ABCB1: variants seen among roughly 807,000 people sequenced by gnomAD.
ABCB1 encodes the protein ATP-dependent translocase ABCB1.
A neutral mutation model predicts 142.0 loss-of-function variants in ABCB1; 69 were observed. The observed-to-expected ratio is 0.49, with a 90% CI of 0.40 to 0.59. The LOEUF (loss-of-function observed/expected upper bound fraction) is 0.59. ABCB1 is among the 20% of genes least tolerant of loss of function. The pLI is 0.00. For missense variants in ABCB1, 1,326 were observed against 1,554.7 expected (o/e 0.85, Z 2.47); for synonymous variants, 532 against 539.2 (o/e 0.99, Z 0.18).
chr7:87,531,506 C>G lies in ABCB1; in HGVS notation c.2482-9G>C. ...AGCCTGGAACCTATAGCCTGCAAAA[C>G]AAAACAAATTAGAGAAATTTTAAAA... On this transcript the variant is annotated splice_polypyrimidine_tract_variant and intron_variant, in intron 20 of 27. Transcript: ENST00000622132. 6.2e-7 allele frequency: 1 copy of G among 1,611,826 alleles called. No homozygotes were observed. Among genetic ancestry groups the G allele is most frequent in the Non-Finnish European group, 8.5e-7 (1 of 1,179,236 alleles).
At chr7:87,700,349 ATTG>A in intron 1 of ABCB1, 1 of 1,280,050 alleles carries the variant, frequency 7.8e-7, no homozygotes, top group Non-Finnish European at 1.1e-6. Context: ...TCAGAATTTT[ATTG>A]TTCTTGCATT....
Position 87,561,258 on chromosome 7 carries a change from C to G in ABCB1, c.827+5G>C. The G allele has an allele frequency of 6.2e-7, 1 of 1,613,624 alleles. No homozygotes were observed. The highest frequency in any genetic ancestry group is 8.5e-7 in the Non-Finnish European group (1 of 1,179,770). On this transcript the variant is annotated splice_donor_5th_base_variant and intron_variant, in intron 8 of 27. Transcript: ENST00000622132. Reference sequence around the variant, plus strand: ...TATCTATCCATTTAAAAAAGAAACTCAAACCTTTCAAGTTCTTTCTTTTGT... The same window carrying G: ...TATCTATCCATTTAAAAAAGAAACTGAAACCTTTCAAGTTCTTTCTTTTGT...
intron 4 of ABCB1, among the ~76,000 whole-genome samples, chr7:87,578,413 C>T (rs544250977): frequency 6.6e-6 from 1 of 152,112 alleles, no homozygotes; most frequent in African/African-American, 2.4e-5. Context: ...TTCGTGGTTC[C>T]ATGTAAATGT....
chr7:87,693,806 T>C (rs2130658016), intron 1 of ABCB1: 1 of 1,080,962 alleles, frequency 9.3e-7, no homozygotes, highest in African/African-American at 1.6e-5. Flanking sequence ...GCTTCAAAAT[T>C]ATATGTAGCC....
intron 27 of ABCB1, among the ~76,000 whole-genome samples, chr7:87,504,666 TTGG>T (rs1814648412): frequency 6.6e-6 from 1 of 151,782 alleles, no homozygotes; most frequent in Admixed American, 6.6e-5. Context: ...TTAGCTGGGC[TTGG>T]TGGTGGGTGC....
At chr7:87,544,348 A>C (rs1275642211) in intron 16 of ABCB1, 73 bp from the exon 17 acceptor site, 1 of 1,459,426 alleles carries the variant, frequency 6.9e-7, no homozygotes. Context: ...ACGCACAAAA[A>C]TTAGTAAAGG....
At chr7:87,622,914 T>C (rs1431313783) in intron 1 of ABCB1, among the ~76,000 whole-genome samples, 1 of 152,134 alleles carries the variant, frequency 6.6e-6, no homozygotes, top group Non-Finnish European at 1.5e-5. Context: ...TGGTGGTGCA[T>C]GCCTGTAGTC....
At position 87,639,082 on chromosome 7, in the gene ABCB1, G is replaced by A. The variant is rs887378244; in HGVS notation, c.-330-38004C>T. 3.8e-4 allele frequency among the ~76,000 whole-genome samples: 58 copies of A among 150,774 alleles called. 1 individual carries two copies. The highest frequency in any genetic ancestry group is 4.4e-5 in the Non-Finnish European group (3 of 67,862). On this transcript the variant is annotated intron_variant, in intron 1 of 28. Transcript: ENST00000265724. ...CAGGAGAATGGTGTAAACCCCGGAG[G>A]CGGAGCTTGCAGTGAGAAGAGACGG... is the stretch of plus-strand genomic sequence containing the variant.
chr7:87,683,253 A>G (rs1271960262), intron 1 of ABCB1, among the ~76,000 whole-genome samples: 1 of 152,180 alleles, frequency 6.6e-6, no homozygotes, highest in African/African-American at 2.4e-5. Flanking sequence ...AGACCACTCA[A>G]ACTTTCTTCA....
intron 1 of ABCB1, chr7:87,627,545 G>C (rs1315378757): frequency 1.3e-5 from 2 of 152,424 alleles, no homozygotes; most frequent in African/African-American, 4.8e-5. Context: ...TGCAAAGGGA[G>C]GTGAACAGCA....
rs57009840 is a variant in ABCB1 at position 87,677,274 on chromosome 7, A to AACACACAC, written c.-331+35879_-331+35886dup. Among the ~76,000 whole-genome samples, 393 of 135,878 alleles carry AACACACAC rather than the reference A, an allele frequency of 2.9e-3. 1 individual carries two copies. Among genetic ancestry groups the AACACACAC allele is most frequent in the African/African-American group, 0.011 (377 of 35,434 alleles). The allele number at this position is 135,878 out of a possible 152,430, so 89.1% of individuals were successfully genotyped here. A position where few individuals can be genotyped will look rare whatever the true frequency, so the allele number is the denominator to read the frequency against. On this transcript the variant is annotated intron_variant, in intron 1 of 28. Coordinates refer to the ABCB1 transcript ENST00000265724. ...TGGATTAATAAACTACAGTGTATAT[A>AACACACAC]ACACACACACACACACACACACACA...
intron 1 of ABCB1, among the ~76,000 whole-genome samples, chr7:87,708,972 G>C (rs1314095409): frequency 6.6e-6 from 1 of 152,080 alleles, no homozygotes; most frequent in Non-Finnish European, 1.5e-5. Flanking sequence ...CTTATCAACT[G>C]AAAACATCTA....
At chr7:87,524,924 G>T (rs1374054093) in intron 21 of ABCB1, among the ~76,000 whole-genome samples, 1 of 152,116 alleles carries the variant, frequency 6.6e-6, no homozygotes, top group Non-Finnish European at 1.5e-5. Flanking sequence ...AATATTTTCT[G>T]TGCACCATGT....
At chr7:87,532,834 A>C (rs1240745898) in intron 20 of ABCB1, among the ~76,000 whole-genome samples, 1 of 152,164 alleles carries the variant, frequency 6.6e-6, no homozygotes, top group Non-Finnish European at 1.5e-5. Context: ...AAGATCCAAG[A>C]ACCCTCTTTC....
intron 1 of ABCB1, among the ~76,000 whole-genome samples, chr7:87,691,297 G>A (rs1827994788): frequency 6.6e-6 from 1 of 152,064 alleles, no homozygotes; most frequent in African/African-American, 2.4e-5. Context: ...TCAGTATTCA[G>A]TATAGAAGCA....
chr7:87,629,989 A>C (rs1401792572), intron 1 of ABCB1, among the ~76,000 whole-genome samples: 1 of 152,014 alleles, frequency 6.6e-6, no homozygotes, highest in Non-Finnish European at 1.5e-5. Flanking sequence ...TAACATGCTG[A>C]TATATTTTCT....
At chr7:87,505,777 C>T in intron 27 of ABCB1, 120 bp downstream of exon 27, 1 of 1,236,280 alleles carries the variant, frequency 8.1e-7, no homozygotes, top group Admixed American at 1.8e-5. Context: ...TTACATTTTA[C>T]TGAAAGGTGA....
chr7:87,614,660 T>C (rs1340112500), intron 1 of ABCB1, among the ~76,000 whole-genome samples: 1 of 152,220 alleles, frequency 6.6e-6, no homozygotes, highest in Non-Finnish European at 1.5e-5. Flanking sequence ...GATGTGTTAA[T>C]AGACAGCCTG....
At chr7:87,553,989 G>C in intron 8 of ABCB1, 57 bp from the exon 9 acceptor site, 1 of 1,501,580 alleles carries the variant, frequency 6.7e-7, no homozygotes, top group Non-Finnish European at 9.3e-7. Context: ...TGTCGATATA[G>C]CATGATAGTT....
Sources: gnomAD v4.1 joint callset for allele counts (sites outside exome capture counted in the v4.1 genomes callset) on GRCh38, gnomAD v4.1.1 for gene constraint, MANE v1.5 for transcripts, NCBI Gene and HGNC (gene_info 2026-07-23, HGNC 2026-07-21) for gene names.